FHIT: variants seen among roughly 807,000 people sequenced by gnomAD.
The protein encoded by FHIT is bis(5'-adenosyl)-triphosphatase.
A neutral mutation model predicts 17.9 loss-of-function variants in FHIT; 19 were observed. The ratio of observed to expected loss-of-function variants is 1.06; its 90% CI spans 0.74 to 1.56. FHIT has a LOEUF of 1.56. Ranked by LOEUF, FHIT falls within the 40% of genes most tolerant of loss-of-function variation. The pLI, the probability that FHIT is intolerant of heterozygous loss-of-function variation, is 0.00. For synonymous variants in FHIT, 81 were observed against 69.7 expected (o/e 1.16, Z -0.81); for missense variants, 248 against 189.2 (o/e 1.31, Z -1.82).
In FHIT at chr3:60,825,098, C is replaced by T. The variant is rs149954823; in HGVS notation, c.-110-3087G>A. Among the ~76,000 whole-genome samples the T allele has an allele frequency of 6.0e-3, 913 of 152,314 alleles. 35 individuals are homozygous for T. Among genetic ancestry groups the T allele is most frequent in the Admixed American group, 0.047 (720 of 15,304 alleles). On this transcript the variant is annotated intron_variant, in intron 3 of 9. Transcript: ENST00000492590. ...AAAAATAGCATATTATTCTAGTTTA[C>T]TTCCAGCGGAATCATGAATTGGTAT... is the stretch of plus-strand genomic sequence containing the variant.
chr3:60,127,162 C>T (rs909476663), intron 5 of FHIT, among the ~76,000 whole-genome samples: 17 of 152,106 alleles, frequency 1.1e-4, no homozygotes, highest in African/African-American at 4.1e-4. Context: ...CTCTCTGACC[C>T]ACAGGCCAGA....
chr3:60,571,574 C>T (rs1178146849), intron 4 of FHIT, among the ~76,000 whole-genome samples: 1 of 151,966 alleles, frequency 6.6e-6, no homozygotes, highest in African/African-American at 2.4e-5. Context: ...GACAGGTCAC[C>T]TGGGGTATGT....
intron 4 of FHIT, among the ~76,000 whole-genome samples, chr3:60,648,171 C>T (rs1371449807): frequency 6.6e-6 from 1 of 152,106 alleles, no homozygotes; most frequent in African/African-American, 2.4e-5. Flanking sequence ...GGTTGACGTC[C>T]ACCTAGGTAT....
At chr3:60,371,063 C>T (rs538737193) in intron 5 of FHIT, among the ~76,000 whole-genome samples, 40 of 152,326 alleles carry the variant, frequency 2.6e-4, no homozygotes, top group South Asian at 1.0e-3. Context: ...CATGCTCATC[C>T]TTGGGTCTCA....
intron 5 of FHIT, among the ~76,000 whole-genome samples, chr3:60,127,492 C>A (rs1705607551): frequency 1.3e-5 from 2 of 152,150 alleles, no homozygotes; most frequent in South Asian, 4.1e-4. Flanking sequence ...TTAATAAACT[C>A]CCCATGATAT....
intron 4 of FHIT, among the ~76,000 whole-genome samples, chr3:60,565,319 G>T (rs1412969903): frequency 6.6e-6 from 1 of 152,088 alleles, no homozygotes. Context: ...CCCCTACGAG[G>T]CATGGAGGTG....
rs572121727 is a variant in FHIT, at chr3:60,472,152, T to G, written c.103+64708A>C. ...GCACTAGTAGCTCTCAGTCTACTTT[T>G]TTGTTAAAAAAAAAAAAGAGCAAAA... On this transcript the variant is annotated intron_variant, in intron 5 of 9. Transcript: ENST00000492590. 7.2e-4 allele frequency among the ~76,000 whole-genome samples: 86 copies of G among 119,766 alleles called. 1 individual carries two copies. The highest frequency in any genetic ancestry group is 1.8e-3 in the Admixed American group (20 of 11,408). The allele number at this position is 119,766 out of a possible 152,430, so 78.6% of individuals were successfully genotyped here.
chr3:60,667,259 C>T (rs1461204328), intron 4 of FHIT, among the ~76,000 whole-genome samples: 2 of 151,890 alleles, frequency 1.3e-5, no homozygotes, highest in Non-Finnish European at 2.9e-5. Flanking sequence ...TTGTCATTGT[C>T]TCACAGATCT....
rs1181971759 is a variant in FHIT at position 61,023,012 on chromosome 3, GAAAT to G, written c.-111+19031_-111+19034del. ...GGCCAGGGCGATCAGGCAAGAGAAAGAAATAAAGCATATTCAAATAGGAAGAGAG... is the reference window on the plus strand; with the variant it reads ...GGCCAGGGCGATCAGGCAAGAGAAAGAAAGCATATTCAAATAGGAAGAGAG... On this transcript the variant is annotated intron_variant, in intron 3 of 9. Transcript: ENST00000492590. Among the ~76,000 whole-genome samples, 4 of 152,278 alleles carry G rather than the reference GAAAT, an allele frequency of 2.6e-5. No homozygotes were observed. In the East Asian group the frequency reaches 7.7e-4, roughly 29 times the overall value.
At chr3:59,927,575 G>C (rs1333508335) in intron 7 of FHIT, among the ~76,000 whole-genome samples, 1 of 151,892 alleles carries the variant, frequency 6.6e-6, no homozygotes, top group Non-Finnish European at 1.5e-5. Flanking sequence ...AGACCAGTCT[G>C]ACCAACATTG....
intron 4 of FHIT, among the ~76,000 whole-genome samples, chr3:60,789,638 C>T (rs1700710442): frequency 2.6e-5 from 4 of 152,196 alleles, no homozygotes; most frequent in East Asian, 1.9e-4. Flanking sequence ...GCTTCTCTGA[C>T]ATCTAAGTTC....
At chr3:60,656,014 G>A (rs953352376) in intron 4 of FHIT, among the ~76,000 whole-genome samples, 1 of 152,280 alleles carries the variant, frequency 6.6e-6, no homozygotes, top group South Asian at 2.1e-4. Flanking sequence ...CACAGAAAAG[G>A]TTGGTTCTGA....
At chr3:60,685,963 T>G (rs1553698330) in intron 4 of FHIT, among the ~76,000 whole-genome samples, 1 of 152,212 alleles carries the variant, frequency 6.6e-6, no homozygotes, top group Non-Finnish European at 1.5e-5. Flanking sequence ...TTTTTTCTTG[T>G]CATCCCAAAG....
chr3:60,513,188 G>T (rs529607597), intron 5 of FHIT, among the ~76,000 whole-genome samples: 1 of 152,248 alleles, frequency 6.6e-6, no homozygotes, highest in African/African-American at 2.4e-5. Context: ...ACAGAGACAC[G>T]GCACAGATAT....
intron 3 of FHIT, among the ~76,000 whole-genome samples, chr3:60,925,770 T>G (rs1553769699): frequency 1.3e-5 from 2 of 152,170 alleles, no homozygotes; most frequent in Admixed American, 1.3e-4. Context: ...ACTGGCAAAT[T>G]GGATAAAGAG....
At chr3:59,801,557 A>C (rs1699993862) in intron 8 of FHIT, among the ~76,000 whole-genome samples, 1 of 152,190 alleles carries the variant, frequency 6.6e-6, no homozygotes, top group South Asian at 2.1e-4. Context: ...ACAAAAGAAG[A>C]AGCCCTTCAC....
At chr3:61,006,568 G>T (rs1034479224) in intron 3 of FHIT, among the ~76,000 whole-genome samples, 2 of 149,206 alleles carry the variant, frequency 1.3e-5, no homozygotes, top group South Asian at 2.1e-4. Context: ...TCAAAAGAAG[G>T]CACCAAAAAA....
At chr3:61,135,177 G>C (rs896680715) in intron 2 of FHIT, among the ~76,000 whole-genome samples, 1 of 152,202 alleles carries the variant, frequency 6.6e-6, no homozygotes, top group African/African-American at 2.4e-5. Flanking sequence ...TTCAGCCCAG[G>C]CTAGTTAAGG....
chr3:60,696,237 T>A (rs908196179), intron 4 of FHIT, among the ~76,000 whole-genome samples: 1 of 152,180 alleles, frequency 6.6e-6, no homozygotes, highest in African/African-American at 2.4e-5. Flanking sequence ...ACACATTCCC[T>A]AGCAGATTTA....
Sources: gnomAD v4.1 joint callset for allele counts (sites outside exome capture counted in the v4.1 genomes callset) on GRCh38, gnomAD v4.1.1 for gene constraint, MANE v1.5 for transcripts, NCBI Gene and HGNC (gene_info 2026-07-23, HGNC 2026-07-21) for gene names.